SIK2: variants seen among roughly 807,000 people sequenced by gnomAD.
The protein encoded by SIK2 is serine/threonine-protein kinase SIK2.
Under a neutral mutation model 103.2 loss-of-function variants are expected in SIK2, and 29 were observed. The ratio of observed to expected loss-of-function variants is 0.28; its 90% CI spans 0.21 to 0.38. The LOEUF (loss-of-function observed/expected upper bound fraction) is 0.38, where lower values mean the gene tolerates loss of function less well. SIK2 is among the 10% of genes least tolerant of loss of function. SIK2 has a pLI of 1.00. For missense variants in SIK2, 879 were observed against 1,171.0 expected (o/e 0.75, Z 3.64); for synonymous variants, 412 against 446.1 (o/e 0.92, Z 0.96).
At chr11:111,608,812 T>G (rs1350640138) in intron 1 of SIK2, among the ~76,000 whole-genome samples, 2 of 152,184 alleles carry the variant, frequency 1.3e-5, no homozygotes, top group African/African-American at 4.8e-5. Context: ...TGTAATTGCC[T>G]AGCAATGGAA....
intron 9 of SIK2, among the ~76,000 whole-genome samples, chr11:111,717,188 C>T (rs1408167241): frequency 3.3e-5 from 5 of 151,658 alleles, no homozygotes; most frequent in Admixed American, 1.3e-4. Flanking sequence ...TGGTGATGGG[C>T]GCCTGTAGTC....
chr11:111,715,792 GCTTT>G (rs1943623633), intron 9 of SIK2, among the ~76,000 whole-genome samples: 1 of 111,682 alleles, frequency 9.0e-6, no homozygotes, highest in African/African-American at 3.3e-5. Context: ...GTCATTTTTA[GCTTT>G]TTTTTTTTTT....
intron 3 of SIK2, among the ~76,000 whole-genome samples, chr11:111,681,049 TAA>T (rs1161981640): frequency 2.0e-5 from 3 of 152,186 alleles, no homozygotes; most frequent in Non-Finnish European, 2.9e-5. Context: ...TCTGTCTTGA[TAA>T]CATTGCAGTG....
chr11:111,703,124 C>CAA, intron 6 of SIK2, 79 bp from the exon 7 acceptor site: 1 of 1,315,402 alleles, frequency 7.6e-7, no homozygotes, highest in South Asian at 1.2e-5. Flanking sequence ...CACCCTTGTA[C>CAA]AAAGTCACAT....
At chr11:111,632,461 A>G (rs1942052321) in intron 3 of SIK2, among the ~76,000 whole-genome samples, 1 of 152,160 alleles carries the variant, frequency 6.6e-6, no homozygotes, top group Non-Finnish European at 1.5e-5. Flanking sequence ...AAGAAAGATT[A>G]TCATTTCTTG....
rs775218926 is a variant in SIK2 at position 111,701,005 on chromosome 11, A to T, written c.598A>T (p.Ile200Phe). ...GCAGTATGAAGGACCACAGCTGGAC[A>T]TCTGGGTACTGCTTTGCTTTGCTGT... ...GQQYEGPQLD[I>F]WSMGVVLYVL... Residue 200 changes from isoleucine (I) to phenylalanine (F), a missense_variant, in exon 5 of 15, where the codon ATC becomes TTC. Ile to Phe is a conservative substitution (Grantham distance 21). Transcript: ENST00000304987. This position sits in a 1 kb window ranked among gnomAD's most constrained non-coding sequence, Gnocchi z 4.2. 6.2e-7 allele frequency: 1 copy of T among 1,613,802 alleles called. No individual in the cohort carries two copies. Among genetic ancestry groups the T allele is most frequent in the East Asian group, 2.2e-5 (1 of 44,868 alleles).
At chr11:111,714,574 T>C (rs1943586681) in intron 9 of SIK2, among the ~76,000 whole-genome samples, 1 of 151,976 alleles carries the variant, frequency 6.6e-6, no homozygotes, top group African/African-American at 2.4e-5. Context: ...CAGATAGAGA[T>C]GGTGCAGATA....
chr11:111,683,407 T>G (rs577468987), intron 3 of SIK2: 4 of 152,300 alleles, frequency 2.6e-5, no homozygotes, highest in African/African-American at 9.6e-5. Flanking sequence ...AAGTTTGTTC[T>G]GTAAATAAGG....
In SIK2 at chr11:111,688,004, A is replaced by G; in HGVS notation, c.320A>G (p.Tyr107Cys). The G allele has an allele frequency of 1.2e-6, 2 of 1,614,068 alleles. No homozygotes were observed. The highest frequency in any genetic ancestry group is 1.1e-5 in the South Asian group (1 of 91,056). The change falls in exon 4 of 15, where the codon TAT becomes TGT. Residue 107 changes from tyrosine to cysteine, a missense_variant. By Grantham distance (194) the Tyr-to-Cys change is radical. Around this residue, in one of 7 missense-constraint regions of SIK2, gnomAD observed 126 missense variants for 245.5 expected, o/e 0.51. Transcript: ENST00000304987. The surrounding 1 kb of genome is among the most constrained non-coding windows in gnomAD (Gnocchi z 4.2). Reference sequence around the variant, plus strand: ...TTAATCCTCTCTTCATTTACAGACTATCTTGCTAATCATGGCCGGTTAAAT... The same window carrying G: ...TTAATCCTCTCTTCATTTACAGACTGTCTTGCTAATCATGGCCGGTTAAAT... ...EYAKNGEIFD[Y>C]LANHGRLNES...
intron 9 of SIK2, among the ~76,000 whole-genome samples, chr11:111,714,482 C>T (rs1943584409): frequency 1.3e-5 from 2 of 152,138 alleles, no homozygotes; most frequent in Non-Finnish European, 2.9e-5. Flanking sequence ...TGCCCCGGTG[C>T]AGGGGAGAAA....
In SIK2 at chr11:111,672,184, A is replaced by G. The variant is rs528650462; in HGVS notation, c.317-15817A>G. ...AGAGCTTAGCAGGCTCTGGTTTACC[A>G]TAATGGCTGTGATGCCCCCCCATAC... is the stretch of plus-strand genomic sequence containing the variant. On this transcript the variant is annotated intron_variant, in intron 3 of 14. Coordinates refer to ENST00000304987, the MANE Select transcript of SIK2 (RefSeq NM_015191.3). 177 of 418,080 alleles carry G rather than the reference A, an allele frequency of 4.2e-4. 2 individuals carry two copies. The highest frequency in any genetic ancestry group is 3.2e-3 in the Middle Eastern group (4 of 1,234). 25.9% of individuals were successfully genotyped at this position (418,080 alleles called of 1,614,324 possible). A position where few individuals can be genotyped will look rare whatever the true frequency, so the allele number is the denominator to read the frequency against.
At chr11:111,631,075 A>C (rs1365437768) in intron 3 of SIK2, among the ~76,000 whole-genome samples, 1 of 152,192 alleles carries the variant, frequency 6.6e-6, no homozygotes, top group Non-Finnish European at 1.5e-5. Flanking sequence ...GGGAATGATT[A>C]GTTTAGAAGA....
intron 3 of SIK2, among the ~76,000 whole-genome samples, chr11:111,674,053 G>A (rs1262807764): frequency 6.9e-6 from 1 of 144,200 alleles, no homozygotes; most frequent in Non-Finnish European, 1.5e-5. Flanking sequence ...CAAACTGGGC[G>A]ACAGAGCAAG....
chr11:111,659,881 A>G (rs1274914360), intron 3 of SIK2, among the ~76,000 whole-genome samples: 2 of 152,234 alleles, frequency 1.3e-5, no homozygotes, highest in Non-Finnish European at 2.9e-5. Flanking sequence ...TGGAGACGCA[A>G]CCGTGTCAAG....
Position 111,722,607 on chromosome 11 carries a change from G to T in SIK2, c.2056-58G>T. ...TCCTGCAGGCAGAAGCACATCTGAT[G>T]ACTGCATCCTAGGTGACAGCACATT... is the stretch of plus-strand genomic sequence containing the variant. On this transcript the variant is annotated intron_variant, in intron 13 of 14. Coordinates refer to ENST00000304987, the MANE Select transcript of SIK2 (RefSeq NM_015191.3). The surrounding 1 kb of genome is among the most constrained non-coding windows in gnomAD (Gnocchi z 4.4). 1.3e-6 allele frequency: 2 copies of T among 1,509,154 alleles called. No individual in the cohort carries two copies. The highest frequency in any genetic ancestry group is 2.3e-5 in the South Asian group (2 of 86,526). 93.5% of individuals were successfully genotyped at this position (1,509,154 alleles called of 1,614,324 possible). A position where few individuals can be genotyped will look rare whatever the true frequency, so the allele number is the denominator to read the frequency against.
intron 3 of SIK2, among the ~76,000 whole-genome samples, chr11:111,685,708 G>A (rs1942835859): frequency 6.6e-6 from 1 of 152,136 alleles, no homozygotes; most frequent in Non-Finnish European, 1.5e-5. Flanking sequence ...TAATTAGCCA[G>A]ATGTGGTGAC....
Position 111,712,234 on chromosome 11 carries a change from G to T in SIK2, c.1125G>T (p.Val375=), listed in dbSNP as rs55846095. The T allele has an allele frequency of 9.4e-5, 152 of 1,614,086 alleles. No individual in the cohort carries two copies. The highest frequency in any genetic ancestry group is 1.2e-4 in the Non-Finnish European group (143 of 1,180,044). The change falls in exon 9 of 15, where the codon GTG becomes GTT. Residue 375 remains valine (V), a synonymous_variant. Transcript: ENST00000304987. ...VAKAQTVGLP[V]TMHSPNMRLL... ...AGGCACAGACTGTGGGGCTCCCAGTGACCATGCATTCACCGAACATGAGGC... is the reference window on the plus strand; with the variant it reads ...AGGCACAGACTGTGGGGCTCCCAGTTACCATGCATTCACCGAACATGAGGC...
At position 111,724,940 on chromosome 11, in the gene SIK2, G is replaced by A. The variant is rs1346041101; in HGVS notation, c.*811G>A. The A allele has an allele frequency of 6.6e-6, 1 of 152,322 alleles. No individual in the cohort carries two copies. The highest frequency in any genetic ancestry group is 1.5e-5 in the Non-Finnish European group (1 of 68,056). The allele number at this position is 152,322 out of a possible 1,614,324, so 9.4% of individuals were successfully genotyped here. A position where few individuals can be genotyped will look rare whatever the true frequency, so the allele number is the denominator to read the frequency against. On this transcript the variant is annotated 3_prime_UTR_variant, in exon 15 of 15. Coordinates refer to ENST00000304987, the MANE Select transcript of SIK2 (RefSeq NM_015191.3). Reference sequence around the variant, plus strand: ...ATCAAGAGCACCAGCCCTGGGCCAGGGAAGACAGGCTCTTCCTGCAGTTTC... The same window carrying A: ...ATCAAGAGCACCAGCCCTGGGCCAGAGAAGACAGGCTCTTCCTGCAGTTTC...
At chr11:111,684,002 T>A (rs1942811663) in intron 3 of SIK2, among the ~76,000 whole-genome samples, 1 of 152,230 alleles carries the variant, frequency 6.6e-6, no homozygotes, top group Non-Finnish European at 1.5e-5. Flanking sequence ...TACACTGGAA[T>A]GCCTGCCGAG....
Sources: gnomAD v4.1 joint callset for allele counts (sites outside exome capture counted in the v4.1 genomes callset) on GRCh38, gnomAD v4.1.1 for gene constraint, gnomAD v4.1.1 regional missense constraint, Gnocchi (gnomAD v3.1) non-coding constraint, MANE v1.5 for transcripts, NCBI Gene and HGNC (gene_info 2026-07-23, HGNC 2026-07-21) for gene names.